The following MGP variants were observed in gnomAD, a reference collection of about 807,000 sequenced individuals.
The protein encoded by MGP is matrix Gla protein.
Under a neutral mutation model 14.5 loss-of-function variants are expected in MGP, and 13 were observed. The ratio of observed to expected loss-of-function variants is 0.89; its 90% CI spans 0.58 to 1.42. The LOEUF (loss-of-function observed/expected upper bound fraction) is 1.42, where lower values mean the gene tolerates loss of function less well. MGP is among the 40% of genes most tolerant of loss of function. MGP has a pLI of 0.00. For synonymous variants in MGP, 44 were observed against 46.3 expected (o/e 0.95, Z 0.20); for missense variants, 128 against 133.7 (o/e 0.96, Z 0.21).
chr12:14,884,107 C>A, intron 2 of MGP, 106 bp downstream of exon 2: 1 of 894,076 alleles, frequency 1.1e-6, no homozygotes, highest in Non-Finnish European at 1.6e-6. Flanking sequence ...CAAAAGAGGC[C>A]CCCTTTTCCC....
At position 14,882,217 on chromosome 12, in the gene MGP, A is replaced by G. The variant is rs149084241; in HGVS notation, c.234T>C (p.Leu78=). ...CATAAACCATGGCGTAGCGTTCGCA[A>G]AGTCTGTAGTCATCACAGGCTTCCC... ...LNREACDDYR[L]CERYAMVYGY... The change falls in exon 4 of 4, where the codon CTT becomes CTC. Residue 78 remains leucine, a synonymous_variant. Transcript: ENST00000539261. 1,155 of 1,614,084 alleles carry G rather than the reference A, an allele frequency of 7.2e-4. 1 individual carries two copies. Among genetic ancestry groups the G allele is most frequent in the Non-Finnish European group, 9.5e-4 (1,124 of 1,179,966 alleles).
chr12:14,885,079 C>G (rs1592263716), intron 1 of MGP, among the ~76,000 whole-genome samples: 1 of 152,126 alleles, frequency 6.6e-6, no homozygotes. Context: ...ATGAAAATAT[C>G]TAGGTAATTG....
At chr12:14,883,183 A>G (rs1002423427) in intron 2 of MGP, 136 bp from the exon 3 acceptor site, 2 of 707,276 alleles carry the variant, frequency 2.8e-6, no homozygotes, top group African/African-American at 3.5e-5. Flanking sequence ...GGCAAAAATT[A>G]AAGGAGAGTA....
At chr12:14,884,165 G>T (rs750145061) in intron 2 of MGP, 48 bp downstream of exon 2, 4 of 1,361,266 alleles carry the variant, frequency 2.9e-6, no homozygotes, top group Non-Finnish European at 4.1e-6. Flanking sequence ...ATAAGAAGAG[G>T]TTCTTTAATG....
rs536781673 is a variant in MGP, at chr12:14,882,988, C to A, written c.154G>T (p.Ala52Ser). The change falls in exon 3 of 4, where the codon GCT (alanine) becomes TCT (serine). Residue 52 changes from alanine (A) to serine (S), a missense_variant. Physicochemically the swap from Ala to Ser is moderately conservative, Grantham distance 99. Coordinates refer to ENST00000539261, the MANE Select transcript of MGP (RefSeq NM_000900.5). ...TFISPQQRWR[A>S]KVQERIRERS... is the part of the protein sequence containing the mutation. The stretch of plus-strand genomic sequence containing the variant: ...GTTACTGACCTCTCTTGGACTTTAG[C>A]TCTCCATCTCTGCTGAGGGGATATG... 22 of 1,612,240 alleles carry A rather than the reference C, an allele frequency of 1.4e-5. No individual in the cohort carries two copies. The African/African-American group carries it at 2.9e-4, about 22-fold the overall frequency.
At chr12:14,884,325 G>A (rs1863415896) in intron 1 of MGP, 80 bp from the exon 2 acceptor site, 2 of 966,700 alleles carry the variant, frequency 2.1e-6, no homozygotes, top group East Asian at 5.6e-5. Context: ...TTTAGACACT[G>A]TGATAGTTTA....
intron 1 of MGP, chr12:14,884,999 G>GA (rs1463020117): frequency 2.6e-6 from 2 of 765,010 alleles, no homozygotes; most frequent in Non-Finnish European, 4.0e-6. Flanking sequence ...CTCTAATACA[G>GA]AAAATTTGTG....
chr12:14,882,026 CAGGAAAGAAGCATTGTAT>C lies in MGP; in HGVS notation c.*95_*112del. 3 of 1,367,260 alleles carry C rather than the reference CAGGAAAGAAGCATTGTAT, an allele frequency of 2.2e-6. No homozygotes were observed. The highest frequency in any genetic ancestry group is 3.1e-6 in the Non-Finnish European group (3 of 963,510). The allele number at this position is 1,367,260 out of a possible 1,614,324, so 84.7% of individuals were successfully genotyped here. A position where few individuals can be genotyped will look rare whatever the true frequency, so the allele number is the denominator to read the frequency against. ...GGGTGCAGCCAGACAAGAGAATATA[CAGGAAAGAAGCATTGTAT>C]ATAAGCCTATGTATTTCTGTAATGC... On this transcript the variant is annotated 3_prime_UTR_variant, in exon 4 of 4. Transcript: ENST00000539261.
intron 2 of MGP, 103 bp from the exon 3 acceptor site, chr12:14,883,150 T>C (rs1863400703): frequency 3.3e-6 from 3 of 917,858 alleles, no homozygotes; most frequent in East Asian, 2.6e-5. Flanking sequence ...CCTTAACTTA[T>C]GCAACTCATA....
intron 3 of MGP, 86 bp downstream of exon 3, chr12:14,882,886 G>A: frequency 2.3e-6 from 2 of 869,530 alleles, no homozygotes; most frequent in Non-Finnish European, 3.9e-6. Flanking sequence ...TAATGTATAT[G>A]ATGAAAAAGC....
chr12:14,882,978 T>G lies in MGP; in HGVS notation c.164A>C (p.Gln55Pro). Residue 55 changes from glutamine to proline, a missense_variant, in exon 3 of 4, where the codon CAA becomes CCA. Coordinates refer to ENST00000539261, the MANE Select transcript of MGP (RefSeq NM_000900.5). Reference sequence around the variant, plus strand: ...ATGAAGTTTTGTTACTGACCTCTCTTGGACTTTAGCTCTCCATCTCTGCTG... The same window carrying G: ...ATGAAGTTTTGTTACTGACCTCTCTGGGACTTTAGCTCTCCATCTCTGCTG... ...SPQQRWRAKV[Q>P]ERIRERSKPV... 1 of 1,610,674 alleles carries G rather than the reference T, an allele frequency of 6.2e-7. No individual in the cohort carries two copies. Among genetic ancestry groups the G allele is most frequent in the Non-Finnish European group, 8.5e-7 (1 of 1,177,014 alleles).
chr12:14,885,144 T>A (rs954668867), intron 1 of MGP, among the ~76,000 whole-genome samples: 4 of 152,228 alleles, frequency 2.6e-5, no homozygotes, highest in African/African-American at 4.8e-5. Context: ...TTTTATAAGC[T>A]TTGAACAAAT....
Position 14,885,797 on chromosome 12 carries a change from C to T in MGP, c.-6G>A, listed in dbSNP as rs371429849. The T allele has an allele frequency of 4.6e-5, 75 of 1,613,562 alleles. No homozygotes were observed. In the African/African-American group the frequency reaches 7.7e-4, roughly 17 times the overall value. On this transcript the variant is annotated 5_prime_UTR_variant, in exon 1 of 4. Coordinates refer to ENST00000539261, the MANE Select transcript of MGP (RefSeq NM_000900.5). ...AGAAGGATCAGGCTCTTCATGGTTT[C>T]GTCCTGCAGGTCAGTCTCAGGGTCT...
Position 14,881,161 on chromosome 12 carries a change from C to T in MGP, c.*978G>A, listed in dbSNP as rs1004039019. ...TGAAGAAAACAGGAAATGAAAATTA[C>T]ATGGGTAAATATATGAGATCTTTTC... On this transcript the variant is annotated 3_prime_UTR_variant, in exon 4 of 4. Coordinates refer to ENST00000539261, the MANE Select transcript of MGP (RefSeq NM_000900.5). 1 of 152,110 alleles carries T rather than the reference C, an allele frequency of 6.6e-6. No individual in the cohort carries two copies. Among genetic ancestry groups the T allele is most frequent in the South Asian group, 2.1e-4 (1 of 4,832 alleles). The allele number at this position is 152,110 out of a possible 1,614,324, so 9.4% of individuals were successfully genotyped here.
rs1233296688 is a variant in MGP, at chr12:14,884,844, T to C, written c.62-599A>G. The C allele has an allele frequency of 2.6e-6, 4 of 1,535,044 alleles. No individual in the cohort carries two copies. The African/African-American group carries it at 5.5e-5, about 21-fold the overall frequency. Reference sequence around the variant, plus strand: ...CACGATGCCAGTTCAGAGAGAGAACTGAAACGATATCAAAGCCGAAGTTTT... The same window carrying C: ...CACGATGCCAGTTCAGAGAGAGAACCGAAACGATATCAAAGCCGAAGTTTT... On this transcript the variant is annotated intron_variant, in intron 1 of 3. Transcript: ENST00000539261.
Position 14,882,136 on chromosome 12 carries a change from G to T in MGP, c.*3C>A. On this transcript the variant is annotated 3_prime_UTR_variant, in exon 4 of 4. Coordinates refer to ENST00000539261, the MANE Select transcript of MGP (RefSeq NM_000900.5). ...AAAAGAGATTTTTTTTCTTCCCTCA[G>T]TCTCATTTGGTCCCTCGGCGCTTCC... is the stretch of plus-strand genomic sequence containing the variant. 2 of 1,613,954 alleles carry T rather than the reference G, an allele frequency of 1.2e-6. No individual in the cohort carries two copies. Among genetic ancestry groups the T allele is most frequent in the Non-Finnish European group, 8.5e-7 (1 of 1,179,926 alleles).
In MGP at chr12:14,882,118, A is replaced by ATTT; in HGVS notation, c.*18_*20dup. On this transcript the variant is annotated 3_prime_UTR_variant, in exon 4 of 4. Coordinates refer to ENST00000539261, the MANE Select transcript of MGP (RefSeq NM_000900.5). ...GGTGCCAGCCTCCAGAAAAAAAGAG[A>ATTT]TTTTTTTTCTTCCCTCAGTCTCATT... 1 of 1,613,060 alleles carries ATTT rather than the reference A, an allele frequency of 6.2e-7. No individual in the cohort carries two copies.
At chr12:14,883,114 C>T in intron 2 of MGP, 67 bp from the exon 3 acceptor site, 1 of 1,215,006 alleles carries the variant, frequency 8.2e-7, no homozygotes, top group Non-Finnish European at 1.2e-6. Flanking sequence ...CGTGAATATT[C>T]CTTGACACAA....
At chr12:14,885,654 G>T in intron 1 of MGP, 77 bp downstream of exon 1, 2 of 1,043,112 alleles carry the variant, frequency 1.9e-6, no homozygotes, top group East Asian at 2.4e-5. Flanking sequence ...AAGAGGAGGA[G>T]GGAGAGGAAA....
Sources: allele counts gnomAD v4.1 joint callset (sites outside exome capture counted in the v4.1 genomes callset), GRCh38; gene constraint gnomAD v4.1.1; transcripts MANE v1.5; gene names NCBI Gene and HGNC (gene_info 2026-07-23, HGNC 2026-07-21).